The following CDH5 variants were observed in gnomAD, a reference collection of about 807,000 sequenced individuals.
The protein encoded by CDH5 is cadherin-5.
A neutral mutation model predicts 62.0 loss-of-function variants in CDH5; 28 were observed. That is an observed-to-expected ratio of 0.45 (90% CI 0.33 to 0.62). The LOEUF is 0.62. Ranked by LOEUF, CDH5 falls within the 20% of genes least tolerant of loss-of-function variation. The pLI is 0.02. For missense variants in CDH5, 940 were observed against 1,065.1 expected (o/e 0.88, Z 1.63); for synonymous variants, 464 against 445.8 (o/e 1.04, Z -0.52).
intron 1 of CDH5, among the ~76,000 whole-genome samples, chr16:66,378,066 C>A (rs963656194): frequency 2.0e-5 from 3 of 152,198 alleles, no homozygotes; most frequent in African/African-American, 7.2e-5. Flanking sequence ...AACTCACCAC[C>A]CCACCCACCC....
At chr16:66,398,940 C>A (rs148542970) in intron 10 of CDH5, among the ~76,000 whole-genome samples, 393 of 152,234 alleles carry the variant, frequency 2.6e-3, no homozygotes, top group African/African-American at 9.1e-3. Flanking sequence ...ATCCAAACTC[C>A]CAAGTCCACG....
At position 66,402,732 on chromosome 16, in the gene CDH5, G is replaced by T; in HGVS notation, c.1918G>T (p.Glu640Ter). 1.2e-6 allele frequency: 2 copies of T among 1,609,838 alleles called. No individual in the cohort carries two copies. Among genetic ancestry groups the T allele is most frequent in the Non-Finnish European group, 1.7e-6 (2 of 1,179,044 alleles). Reference sequence around the variant, plus strand: ...CGGCAAGAGCGTGCCGGAGATCCACGAGCAGCTGGTCACCTACGACGAGGA... The same window carrying T: ...CGGCAAGAGCGTGCCGGAGATCCACTAGCAGCTGGTCACCTACGACGAGGA... ...AHGKSVPEIH[E>*]QLVTYDEEGG... is the part of the protein sequence containing the mutation. The change falls in exon 12 of 12, where the codon GAG becomes TAG. Residue 640 changes from glutamate to a stop codon, truncating the protein, a stop_gained. Coordinates refer to ENST00000341529, the MANE Select transcript of CDH5 (RefSeq NM_001795.5). LOFTEE classifies it low-confidence loss of function (END_TRUNC).
chr16:66,368,146 G>C (rs1369052920), intron 1 of CDH5, among the ~76,000 whole-genome samples: 1 of 152,312 alleles, frequency 6.6e-6, no homozygotes, highest in East Asian at 1.9e-4. Flanking sequence ...ATTCTGACAA[G>C]AGAGGAAGGG....
chr16:66,388,988 A>G lies in CDH5; in HGVS notation c.617-370A>G, dbSNP rs1448980861. Among the ~76,000 whole-genome samples, 14 of 152,256 alleles carry G rather than the reference A, an allele frequency of 9.2e-5. No homozygotes were observed. In the East Asian group the frequency reaches 2.7e-3, roughly 29 times the overall value. ...ACTCTTGGGAGCAAGAAAGAAGTCC[A>G]GTGGAACTGTCTTTCAGAGAGATGG... is the stretch of plus-strand genomic sequence containing the variant. On this transcript the variant is annotated intron_variant, in intron 4 of 11. Coordinates refer to ENST00000341529, the MANE Select transcript of CDH5 (RefSeq NM_001795.5).
chr16:66,368,516 A>G (rs755199075), intron 1 of CDH5, among the ~76,000 whole-genome samples: 33 of 152,188 alleles, frequency 2.2e-4, no homozygotes, highest in Non-Finnish European at 4.3e-4. Flanking sequence ...GCAAAGTTGG[A>G]TGATTCACTG....
At position 66,400,965 on chromosome 16, in the gene CDH5, G is replaced by A. The variant is rs146321105; in HGVS notation, c.1786G>A (p.Val596Met). The change falls in exon 11 of 12, where the codon GTG (valine) becomes ATG (methionine). Residue 596 changes from valine to methionine, a missense_variant. By Grantham distance (21) the Val-to-Met change is conservative (BLOSUM62 1). Transcript: ENST00000341529. The stretch of plus-strand genomic sequence containing the variant: ...CGAGGATATGGCCGCCCAGGTGGGC[G>A]TGAGCATCCAGGCAGTGGTAGCCAT... Reference protein sequence around the residue: ...FCEDMAAQVGVSIQAVVAILL... With the variant: ...FCEDMAAQVGMSIQAVVAILL... 1.9e-5 allele frequency: 31 copies of A among 1,614,106 alleles called. No homozygotes were observed. The highest frequency in any genetic ancestry group is 1.7e-4 in the African/African-American group (13 of 75,072).
intron 5 of CDH5, 127 bp from the exon 6 acceptor site, chr16:66,390,276 A>G: frequency 1.5e-6 from 1 of 680,260 alleles, no homozygotes; most frequent in Non-Finnish European, 2.4e-6. Context: ...TCCCAGGGGT[A>G]TTATTATTTA....
Position 66,395,392 on chromosome 16 carries a change from G to C in CDH5, c.1218-667G>C, listed in dbSNP as rs536256502. 2.0e-5 allele frequency: 3 copies of C among 149,862 alleles called. No homozygotes were observed. The East Asian group carries it at 5.9e-4, about 30-fold the overall frequency. 9.3% of individuals were successfully genotyped at this position (149,862 alleles called of 1,614,324 possible). ...TCACACAGCCTTGAAATTCGTAAGTGTCGTCAGGATTTGCCTAAGTATTGG... is the reference window on the plus strand; with the variant it reads ...TCACACAGCCTTGAAATTCGTAAGTCTCGTCAGGATTTGCCTAAGTATTGG... On this transcript the variant is annotated intron_variant, in intron 7 of 11. Coordinates refer to ENST00000341529, the MANE Select transcript of CDH5 (RefSeq NM_001795.5).
intron 11 of CDH5, among the ~76,000 whole-genome samples, chr16:66,401,760 A>G (rs1961286330): frequency 6.6e-6 from 1 of 152,168 alleles, no homozygotes; most frequent in Admixed American, 6.5e-5. Flanking sequence ...GCCACCCCCC[A>G]GCATCATCCC....
At chr16:66,394,753 T>A (rs1961145159) in intron 7 of CDH5, among the ~76,000 whole-genome samples, 1 of 151,976 alleles carries the variant, frequency 6.6e-6, no homozygotes, top group Admixed American at 6.6e-5. Flanking sequence ...TTGTTTTAAT[T>A]CTTCCCATGC....
intron 7 of CDH5, chr16:66,395,773 A>G (rs989916254): frequency 7.4e-6 from 2 of 270,860 alleles, no homozygotes; most frequent in East Asian, 6.8e-5. Flanking sequence ...AGTCCCAGCT[A>G]TGGTGTGATG....
Position 66,400,754 on chromosome 16 carries a change from G to A in CDH5, c.1592-17G>A, listed in dbSNP as rs1412752547. On this transcript the variant is annotated splice_polypyrimidine_tract_variant and intron_variant, in intron 10 of 11. Coordinates refer to ENST00000341529, the MANE Select transcript of CDH5 (RefSeq NM_001795.5). ...TGCAGATGGCAAAGCCTGACTCCGA[G>A]GCCTTGGTGTTTCCAGATAACACGG... 3 of 1,614,014 alleles carry A rather than the reference G, an allele frequency of 1.9e-6. No homozygotes were observed. Among genetic ancestry groups the A allele is most frequent in the Admixed American group, 1.7e-5 (1 of 60,012 alleles).
At position 66,403,820 on chromosome 16, in the gene CDH5, A is replaced by G; in HGVS notation, c.*651A>G. On this transcript the variant is annotated 3_prime_UTR_variant, in exon 12 of 12. Coordinates refer to ENST00000341529, the MANE Select transcript of CDH5 (RefSeq NM_001795.5). This position sits in a 1 kb window ranked among gnomAD's most constrained non-coding sequence, Gnocchi z 4.3. ...AGTGACCTCACTGGCCTGCCATGCC[A>G]GTAACTGTGCTGTACTGAGCACTGA... 1 of 158,510 alleles carries G rather than the reference A, an allele frequency of 6.3e-6. No homozygotes were observed. Among genetic ancestry groups the G allele is most frequent in the Non-Finnish European group, 1.4e-5 (1 of 71,460 alleles). 9.8% of individuals were successfully genotyped at this position (158,510 alleles called of 1,614,324 possible). A position where few individuals can be genotyped will look rare whatever the true frequency, so the allele number is the denominator to read the frequency against.
intron 2 of CDH5, 114 bp from the exon 3 acceptor site, chr16:66,386,695 C>T: frequency 2.2e-6 from 2 of 912,328 alleles, no homozygotes; most frequent in Non-Finnish European, 3.3e-6. Context: ...GCCAGCACCA[C>T]ACACACCACA....
At chr16:66,369,522 C>T (rs1015346189) in intron 1 of CDH5, among the ~76,000 whole-genome samples, 1 of 152,172 alleles carries the variant, frequency 6.6e-6, no homozygotes, top group African/African-American at 2.4e-5. Context: ...ACACAGCTCC[C>T]GAGCAGCTGG....
intron 1 of CDH5, among the ~76,000 whole-genome samples, chr16:66,378,016 C>A (rs1960816558): frequency 6.6e-6 from 1 of 152,158 alleles, no homozygotes; most frequent in East Asian, 1.9e-4. Flanking sequence ...TGCACTGGGC[C>A]ACACAAATTA....
intron 1 of CDH5, among the ~76,000 whole-genome samples, chr16:66,368,860 C>G (rs908196555): frequency 6.6e-5 from 10 of 152,218 alleles, no homozygotes. Flanking sequence ...CAGGGACAAG[C>G]CAGGAGCCCA....
intron 1 of CDH5, among the ~76,000 whole-genome samples, chr16:66,369,000 T>A (rs769590426): frequency 1.3e-5 from 2 of 152,154 alleles, no homozygotes; most frequent in Non-Finnish European, 2.9e-5. Flanking sequence ...ATGGAGGGCT[T>A]GCTGGAGGAA....
intron 1 of CDH5, among the ~76,000 whole-genome samples, chr16:66,368,987 ATCATGGAGG>A (rs1960636745): frequency 6.6e-6 from 1 of 152,180 alleles, no homozygotes; most frequent in Non-Finnish European, 1.5e-5. Flanking sequence ...AAGTGGGTAA[ATCATGGAGG>A]GCTTGCTGGA....
Sources: gnomAD v4.1 joint callset for allele counts (sites outside exome capture counted in the v4.1 genomes callset) on GRCh38, gnomAD v4.1.1 for gene constraint, Gnocchi (gnomAD v3.1) non-coding constraint, MANE v1.5 for transcripts, NCBI Gene and HGNC (gene_info 2026-07-23, HGNC 2026-07-21) for gene names.